Variants in CNST observed in about 807,000 individuals in gnomAD.
CNST encodes consortin.
A neutral mutation model predicts 72.4 loss-of-function variants in CNST; 39 were observed. The ratio of observed to expected loss-of-function variants is 0.54; its 90% CI spans 0.42 to 0.70. The LOEUF is 0.70. Among genes scored for constraint, CNST ranks in the 30% least tolerant of loss-of-function variants. The pLI is 0.00. For synonymous variants in CNST, 332 were observed against 320.1 expected, an observed-to-expected ratio of 1.04 and a Z score of -0.40; for missense variants, 871 against 868.5, an observed-to-expected ratio of 1.00 and a Z score of -0.04.
chr1:246,580,698 C>T (rs1477016361), intron 1 of CNST, among the ~76,000 whole-genome samples: 6 of 151,984 alleles, frequency 3.9e-5, no homozygotes, highest in Non-Finnish European at 5.9e-5. Context: ...GCATATTTTA[C>T]GGGGATTTAA....
At chr1:246,601,810 TAATA>T (rs1159862640) in intron 2 of CNST, among the ~76,000 whole-genome samples, 8 of 152,122 alleles carry the variant, frequency 5.3e-5, no homozygotes, top group African/African-American at 1.4e-4. Flanking sequence ...TAAAATAAAA[TAATA>T]AATAAATAAA....
At chr1:246,578,162 A>C (rs776895234) in intron 1 of CNST, among the ~76,000 whole-genome samples, 1 of 151,962 alleles carries the variant, frequency 6.6e-6, no homozygotes, top group Non-Finnish European at 1.5e-5. Flanking sequence ...TAATGGGCAC[A>C]TTCTCCTGCT....
intron 2 of CNST, chr1:246,607,924 T>TA: frequency 6.6e-6 from 1 of 150,944 alleles, no homozygotes; most frequent in East Asian, 2.0e-4. Context: ...CTACTGAAAA[T>TA]ACAAAAATTA....
chr1:246,587,956 A>T (rs887721435), intron 1 of CNST, among the ~76,000 whole-genome samples: 1 of 152,120 alleles, frequency 6.6e-6, no homozygotes, highest in Non-Finnish European at 1.5e-5. Flanking sequence ...CATAACCGAA[A>T]ATCTGTATTT....
Position 246,647,479 on chromosome 1 carries a change from C to T in CNST, c.1278C>T (p.Ser426=). The T allele has an allele frequency of 1.9e-6, 3 of 1,614,158 alleles. No individual in the cohort carries two copies. In the African/African-American group the frequency reaches 4.0e-5, roughly 22 times the overall value. ...GIAEDPKVFL[S]SKSKTEPLIS... is the part of the protein sequence containing the mutation. ...CTGAAGACCCTAAGGTGTTTCTTTC[C>T]AGCAAGTCAAAGACAGAGCCGTTGA... The change falls in exon 9 of 11, where the codon TCC becomes TCT. Residue 426 remains serine (S), a synonymous_variant. Transcript: ENST00000366513.
Position 246,591,959 on chromosome 1 carries a change from ATT to A in CNST, c.379+20_379+21del. ...ACCACCAGGTATTGTTTAAAATAGT[ATT>A]TATCCTCTTCTTTAATTAATTAAAA... On this transcript the variant is annotated intron_variant, in intron 2 of 10. Coordinates refer to ENST00000366513, the MANE Select transcript of CNST (RefSeq NM_152609.3). 2 of 1,570,258 alleles carry A rather than the reference ATT, an allele frequency of 1.3e-6. No homozygotes were observed. The highest frequency in any genetic ancestry group is 1.7e-6 in the Non-Finnish European group (2 of 1,154,946).
At position 246,665,588 on chromosome 1, in the gene CNST, C is replaced by T. The variant is rs114015235; in HGVS notation, c.1973-112C>T. 8.8e-3 allele frequency: 7,344 copies of T among 837,328 alleles called. 104 individuals are homozygous for T. Among genetic ancestry groups the T allele is most frequent in the Middle Eastern group, 0.045 (123 of 2,762 alleles). The allele number at this position is 837,328 out of a possible 1,614,324, so 51.9% of individuals were successfully genotyped here. ...GAGTTTTCTGTCAATACTTCCTATC[C>T]GTAGAGGACCAACAGTAGAAATGTG... is the stretch of plus-strand genomic sequence containing the variant. On this transcript the variant is annotated intron_variant, in intron 10 of 10. Transcript: ENST00000366513.
intron 2 of CNST, among the ~76,000 whole-genome samples, chr1:246,600,256 G>C (rs1662181203): frequency 6.6e-6 from 1 of 152,252 alleles, no homozygotes; most frequent in African/African-American, 2.4e-5. Context: ...AAATAGTAGA[G>C]AGTAGAGCAG....
At chr1:246,605,346 C>T (rs1025779322) in intron 2 of CNST, among the ~76,000 whole-genome samples, 3 of 152,198 alleles carry the variant, frequency 2.0e-5, no homozygotes, top group African/African-American at 7.2e-5. Flanking sequence ...GAGGCCAAAG[C>T]AAGGGAGTCG....
chr1:246,591,358 T>C (rs1225643163), intron 1 of CNST, among the ~76,000 whole-genome samples, 154 bp from the exon 2 acceptor site: 1 of 152,074 alleles, frequency 6.6e-6, no homozygotes, highest in African/African-American at 2.4e-5. Context: ...GAGTTTGGGG[T>C]TGGGTTGCAT....
chr1:246,664,620 G>A (rs550384458), intron 10 of CNST, among the ~76,000 whole-genome samples: 6 of 151,958 alleles, frequency 3.9e-5, no homozygotes, highest in Non-Finnish European at 7.4e-5. Flanking sequence ...TAGAGACGGG[G>A]TTTCACCGTG....
At chr1:246,621,655 C>T (rs1399041630) in intron 3 of CNST, 21 bp downstream of exon 3, 1 of 1,592,940 alleles carries the variant, frequency 6.3e-7, no homozygotes. Flanking sequence ...AAACCCTTCA[C>T]TTTCAGCCTC....
intron 6 of CNST, among the ~76,000 whole-genome samples, chr1:246,637,881 A>T (rs1220989031): frequency 6.6e-6 from 1 of 152,164 alleles, no homozygotes; most frequent in Non-Finnish European, 1.5e-5. Context: ...ACCCAGAGAA[A>T]GTACAGACAA....
chr1:246,655,000 T>C (rs913277525), intron 9 of CNST, among the ~76,000 whole-genome samples: 1 of 152,198 alleles, frequency 6.6e-6, no homozygotes, highest in Non-Finnish European at 1.5e-5. Flanking sequence ...GGAAGAACTA[T>C]TAAAGAATTT....
intron 2 of CNST, among the ~76,000 whole-genome samples, chr1:246,600,611 C>T (rs186651473): frequency 1.4e-4 from 22 of 152,270 alleles, no homozygotes; most frequent in Non-Finnish European, 1.9e-4. Context: ...ATCTAATTCT[C>T]AGTTATCTGG....
At chr1:246,610,739 C>G (rs1434620901) in intron 2 of CNST, among the ~76,000 whole-genome samples, 1 of 152,070 alleles carries the variant, frequency 6.6e-6, no homozygotes, top group Non-Finnish European at 1.5e-5. Context: ...CCAGCCTTCA[C>G]TTCTGCTTGC....
Position 246,576,499 on chromosome 1 carries a change from C to CTT in CNST, c.-52+9847_-52+9848dup, listed in dbSNP as rs772014404. On this transcript the variant is annotated intron_variant, in intron 1 of 10. Coordinates refer to ENST00000366513, the MANE Select transcript of CNST (RefSeq NM_152609.3). Reference sequence around the variant, plus strand: ...CACATAAAAATTATGTTTTTACATCCTTTTTTTTTTTTCTGAGATGGAGTC... The same window carrying CTT: ...CACATAAAAATTATGTTTTTACATCCTTTTTTTTTTTTTTCTGAGATGGAGTC... Among the ~76,000 whole-genome samples, 12 of 142,138 alleles carry CTT rather than the reference C, an allele frequency of 8.4e-5. No individual in the cohort carries two copies. The South Asian group carries it at 1.8e-3, about 21-fold the overall frequency. The allele number at this position is 142,138 out of a possible 152,430, so 93.2% of individuals were successfully genotyped here. A position where few individuals can be genotyped will look rare whatever the true frequency, so the allele number is the denominator to read the frequency against.
chr1:246,664,775 A>G (rs1433645013), intron 10 of CNST, among the ~76,000 whole-genome samples: 1 of 152,172 alleles, frequency 6.6e-6, no homozygotes, highest in East Asian at 1.9e-4. Flanking sequence ...GGATAAATTA[A>G]TTTTAAATTT....
At chr1:246,626,445 T>A (rs1320034341) in intron 3 of CNST, among the ~76,000 whole-genome samples, 1 of 144,196 alleles carries the variant, frequency 6.9e-6, no homozygotes, top group Non-Finnish European at 1.5e-5. Flanking sequence ...ATCCTGTAGG[T>A]TTGTCCTTTT....
Sources: allele counts gnomAD v4.1 joint callset (sites outside exome capture counted in the v4.1 genomes callset), GRCh38; gene constraint gnomAD v4.1.1; transcripts MANE v1.5; gene names NCBI Gene and HGNC (gene_info 2026-07-23, HGNC 2026-07-21).